SLC35F4: variants seen among roughly 807,000 people sequenced by gnomAD.
The protein encoded by SLC35F4 is chromosome 14 open reading frame 36.
In SLC35F4, 24 loss-of-function variants were observed where a neutral mutation model predicts 44.2. The ratio of observed to expected loss-of-function variants is 0.54; its 90% CI spans 0.39 to 0.76. The LOEUF (loss-of-function observed/expected upper bound fraction) is 0.76, where lower values mean the gene tolerates loss of function less well. Ranked by LOEUF, SLC35F4 falls within the 30% of genes least tolerant of loss-of-function variation. SLC35F4 has a pLI of 0.00. For missense variants in SLC35F4, 562 were observed against 586.1 expected, an observed-to-expected ratio of 0.96 and a Z score of 0.42; for synonymous variants, 238 against 223.6, an observed-to-expected ratio of 1.06 and a Z score of -0.57.
At chr14:57,725,691 CT>C (rs989712220) in intron 1 of SLC35F4, among the ~76,000 whole-genome samples, 1 of 152,198 alleles carries the variant, frequency 6.6e-6, no homozygotes, top group Non-Finnish European at 1.5e-5. Flanking sequence ...GTGGAATGAT[CT>C]TTTGAAGTCA....
intron 1 of SLC35F4, among the ~76,000 whole-genome samples, chr14:57,858,521 G>A (rs1471708789): frequency 2.0e-5 from 3 of 151,736 alleles, no homozygotes; most frequent in Admixed American, 6.6e-5. Flanking sequence ...CACACACCAG[G>A]GCCTGTTGTG....
chr14:57,784,593 C>T (rs2140765385), intron 1 of SLC35F4, among the ~76,000 whole-genome samples: 1 of 152,262 alleles, frequency 6.6e-6, no homozygotes, highest in Non-Finnish European at 1.5e-5. Context: ...GGGAGAATCT[C>T]TTGCGCCCAG....
rs142993664 is a variant in SLC35F4 at position 57,575,727 on chromosome 14, A to C, written c.808-3708T>G. Among the ~76,000 whole-genome samples the C allele has an allele frequency of 3.0e-3, 452 of 152,280 alleles. 3 individuals carry two copies. The Middle Eastern group carries it at 0.031, about 10-fold the overall frequency. ...AGTGGCATGGCCTCGTGAGCCAGCTATCTTCCTCTGCAGGCTGGGGCCCTC... is the reference window on the plus strand; with the variant it reads ...AGTGGCATGGCCTCGTGAGCCAGCTCTCTTCCTCTGCAGGCTGGGGCCCTC... On this transcript the variant is annotated intron_variant, in intron 4 of 7. Coordinates refer to ENST00000556826, the MANE Select transcript of SLC35F4 (RefSeq NM_001306087.2).
chr14:57,571,492 C>A (rs2068502828), intron 5 of SLC35F4, among the ~76,000 whole-genome samples: 1 of 152,136 alleles, frequency 6.6e-6, no homozygotes, highest in Non-Finnish European at 1.5e-5. Context: ...AATTAAAAAA[C>A]ACAGGGAGAG....
At chr14:57,911,294 T>A (rs1374658054) in intron 1 of SLC35F4, among the ~76,000 whole-genome samples, 1 of 152,048 alleles carries the variant, frequency 6.6e-6, no homozygotes, top group East Asian at 1.9e-4. Context: ...CTTGCCTTAT[T>A]GCATTAGCCA....
intron 1 of SLC35F4, among the ~76,000 whole-genome samples, chr14:57,968,167 C>T (rs1167259015): frequency 2.0e-5 from 3 of 152,220 alleles, no homozygotes; most frequent in Non-Finnish European, 4.4e-5. Flanking sequence ...TTCTAATTAA[C>T]TCAACAAGTG....
At chr14:57,867,366 A>G (rs923648354), upstream of SLC35F4, among the ~76,000 whole-genome samples, 1 of 152,222 alleles carries the variant, frequency 6.6e-6, no homozygotes, top group African/African-American at 2.4e-5. Context: ...TTGGGTTTTC[A>G]TCCAAACACA....
At chr14:57,651,079 C>T (rs539811929) in intron 1 of SLC35F4, among the ~76,000 whole-genome samples, 2 of 152,246 alleles carry the variant, frequency 1.3e-5, no homozygotes, top group African/African-American at 2.4e-5. Context: ...AACCATTTTC[C>T]TCATCAGTGT....
intron 1 of SLC35F4, among the ~76,000 whole-genome samples, chr14:57,680,218 CA>C (rs1343740707): frequency 6.6e-6 from 1 of 152,118 alleles, no homozygotes; most frequent in Non-Finnish European, 1.5e-5. Context: ...TCTGGTTCTA[CA>C]TTAGCAAATC....
At chr14:57,676,727 G>A (rs1255684236) in intron 1 of SLC35F4, among the ~76,000 whole-genome samples, 1 of 151,972 alleles carries the variant, frequency 6.6e-6, no homozygotes, top group Non-Finnish European at 1.5e-5. Context: ...ACCTTACTCT[G>A]GCAAGAATGG....
chr14:57,801,758 G>A (rs184333850), intron 1 of SLC35F4, among the ~76,000 whole-genome samples: 72 of 152,284 alleles, frequency 4.7e-4, no homozygotes, highest in African/African-American at 1.6e-3. Flanking sequence ...TAAAGGTAAA[G>A]GGTTCAATTC....
At chr14:57,897,399 C>G (rs1307738917) in intron 1 of SLC35F4, among the ~76,000 whole-genome samples, 1 of 151,936 alleles carries the variant, frequency 6.6e-6, no homozygotes, top group Non-Finnish European at 1.5e-5. Context: ...GGTCATAAAA[C>G]AAGAAGAACC....
chr14:57,918,729 A>C (rs987861856), intron 1 of SLC35F4, among the ~76,000 whole-genome samples: 4 of 152,188 alleles, frequency 2.6e-5, no homozygotes, highest in African/African-American at 9.7e-5. Context: ...TCTTCTATAG[A>C]ACTTGCCAAA....
rs1474036829 is a variant in SLC35F4, at chr14:57,760,187, C to T, written c.103+105536G>A. On this transcript the variant is annotated intron_variant, in intron 1 of 7. Coordinates refer to ENST00000556826, the MANE Select transcript of SLC35F4 (RefSeq NM_001306087.2). ...GGGTCTTGCATTTAGGTCTTTTTTT[C>T]GCTTTGAGTTCATTTTTGTGCATGT... 6.6e-5 allele frequency among the ~76,000 whole-genome samples: 10 copies of T among 151,722 alleles called. No individual in the cohort carries two copies. In the South Asian group the frequency reaches 1.0e-3, roughly 16 times the overall value.
At chr14:57,822,021 T>G (rs1353948861) in intron 1 of SLC35F4, among the ~76,000 whole-genome samples, 4 of 152,302 alleles carry the variant, frequency 2.6e-5, no homozygotes, top group Middle Eastern at 3.4e-3. Flanking sequence ...TTTAGGCTCT[T>G]GACTTCCCTT....
chr14:57,950,671 C>CTTTT (rs1037402012), intron 1 of SLC35F4, among the ~76,000 whole-genome samples: 15 of 79,036 alleles, frequency 1.9e-4, no homozygotes, highest in Non-Finnish European at 2.8e-4. Context: ...TCTTTTCTTT[C>CTTTT]TTTCTTTTTT....
At chr14:57,925,773 A>T (rs2141061715) in intron 1 of SLC35F4, among the ~76,000 whole-genome samples, 1 of 152,250 alleles carries the variant, frequency 6.6e-6, no homozygotes, top group Non-Finnish European at 1.5e-5. Flanking sequence ...CCAAATTTAA[A>T]CAATACATAA....
intron 1 of SLC35F4, among the ~76,000 whole-genome samples, chr14:57,950,384 TA>T (rs1186985914): frequency 1.3e-5 from 2 of 152,126 alleles, no homozygotes; most frequent in African/African-American, 4.8e-5. Context: ...GCTGTGATTG[TA>T]TTTTATTTAT....
At chr14:57,757,792 C>T (rs10133254) in intron 1 of SLC35F4, among the ~76,000 whole-genome samples, 18,223 of 152,026 alleles carry the variant, frequency 0.12, 1,305 homozygotes, top group South Asian at 0.19. Context: ...ACATAAGAAA[C>T]ATTTTACATA....
Sources: gnomAD v4.1 joint callset for allele counts (sites outside exome capture counted in the v4.1 genomes callset) on GRCh38, gnomAD v4.1.1 for gene constraint, MANE v1.5 for transcripts, NCBI Gene and HGNC (gene_info 2026-07-23, HGNC 2026-07-21) for gene names.